CFAP54: variants seen among roughly 807,000 people sequenced by gnomAD.
CFAP54 encodes cilia and flagella associated protein 54.
Under a neutral mutation model 370.4 loss-of-function variants are expected in CFAP54, and 290 were observed. The ratio of observed to expected loss-of-function variants is 0.78; its 90% confidence interval spans 0.71 to 0.86. The LOEUF (loss-of-function observed/expected upper bound fraction) is 0.86, where lower values mean the gene tolerates loss of function less well. Ranked by LOEUF, CFAP54 falls within the 40% of genes least tolerant of loss-of-function variation. The pLI, the probability that CFAP54 is intolerant of heterozygous loss-of-function variation, is 0.00. For missense variants in CFAP54, 3,399 were observed against 3,528.7 expected (o/e 0.96, Z 0.93); for synonymous variants, 1,206 against 1,236.5 (o/e 0.98, Z 0.52).
At chr12:96,566,001 G>A (rs1196060384) in intron 19 of CFAP54, among the ~76,000 whole-genome samples, 3 of 152,152 alleles carry the variant, frequency 2.0e-5, no homozygotes, top group Admixed American at 1.3e-4. Context: ...TAAAAGGCTT[G>A]CCCCTTCACT....
intron 66 of CFAP54, among the ~76,000 whole-genome samples, chr12:96,856,220 C>A (rs1959700159): frequency 6.6e-6 from 1 of 152,160 alleles, no homozygotes; most frequent in South Asian, 2.1e-4. Flanking sequence ...CCTCCTAGAC[C>A]CTGGGCCTGC....
chr12:96,634,967 C>T (rs905938923), intron 32 of CFAP54, among the ~76,000 whole-genome samples: 1 of 152,176 alleles, frequency 6.6e-6, no homozygotes, highest in African/African-American at 2.4e-5. Context: ...ATACCACATT[C>T]CCTTTCTTGA....
chr12:96,829,471 A>C (rs982053134), intron 66 of CFAP54, among the ~76,000 whole-genome samples: 1 of 152,014 alleles, frequency 6.6e-6, no homozygotes, highest in Non-Finnish European at 1.5e-5. Context: ...TCGAATAATA[A>C]TTTTATGGAT....
chr12:96,594,238 CAT>C, intron 24 of CFAP54, 51 bp from the exon 25 acceptor site: 1 of 1,296,324 alleles, frequency 7.7e-7, no homozygotes, highest in Non-Finnish European at 1.0e-6. Flanking sequence ...CGTAGAGACA[CAT>C]ACGCTAAGCA....
rs1389152817 is a variant in CFAP54 at position 96,512,298 on chromosome 12, A to ATT, written c.740-685_740-684dup. Among the ~76,000 whole-genome samples the ATT allele has an allele frequency of 9.9e-4, 56 of 56,388 alleles. 1 individual carries two copies. In the Middle Eastern group the frequency reaches 0.023, roughly 23 times the overall value. The allele number at this position is 56,388 out of a possible 152,430, so 37.0% of individuals were successfully genotyped here. On this transcript the variant is annotated intron_variant, in intron 4 of 67. Coordinates refer to ENST00000524981, the MANE Select transcript of CFAP54 (RefSeq NM_001306084.2). ...AATGATAAGGAAACCATGGGAACCAATTTTATATATATATATATATATATA... is the reference window on the plus strand; with the variant it reads ...AATGATAAGGAAACCATGGGAACCAATTTTTTATATATATATATATATATATA...
At position 96,592,521 on chromosome 12, in the gene CFAP54, T is replaced by C; in HGVS notation, c.3244T>C (p.Ser1082Pro). Residue 1082 changes from serine to proline, a missense_variant, in exon 24 of 68, where the codon TCA (serine) becomes CCA (proline). By Grantham distance (74) the Ser-to-Pro change is moderately conservative (BLOSUM62 -1). Around this residue, in one of 3 missense-constraint regions of CFAP54, gnomAD observed 2,796 missense variants for 2,869.7 expected, o/e 0.97. Transcript: ENST00000524981. ...LHSDILAETS[S>P]ILLYLFLRNI... ...TTCAGATATTTTGGCAGAGACTTCT[T>C]CAATCCTCTTGTACCTTTTTCTTAG... 2.3e-6 allele frequency: 2 copies of C among 859,534 alleles called. No individual in the cohort carries two copies. The highest frequency in any genetic ancestry group is 1.7e-6 in the Non-Finnish European group (1 of 581,462). 53.2% of individuals were successfully genotyped at this position (859,534 alleles called of 1,614,324 possible).
At chr12:96,768,901 C>A (rs1246293502) in intron 60 of CFAP54, among the ~76,000 whole-genome samples, 1 of 152,058 alleles carries the variant, frequency 6.6e-6, no homozygotes, top group Non-Finnish European at 1.5e-5. Flanking sequence ...ATCAACAGAG[C>A]AATTGATGAC....
intron 47 of CFAP54, 41 bp from the exon 48 acceptor site, chr12:96,708,567 A>AT (rs1415189075): frequency 6.7e-7 from 1 of 1,501,974 alleles, no homozygotes; most frequent in African/African-American, 1.4e-5. Context: ...CTGAAAAAGT[A>AT]TTTTTCTAAT....
At chr12:96,562,734 A>T (rs1185553267) in intron 17 of CFAP54, among the ~76,000 whole-genome samples, 1 of 151,888 alleles carries the variant, frequency 6.6e-6, no homozygotes, top group African/African-American at 2.4e-5. Context: ...CCCTGCCTGT[A>T]TTCTGTTTAT....
At chr12:96,599,914 C>A (rs1471977715) in intron 26 of CFAP54, among the ~76,000 whole-genome samples, 1 of 152,118 alleles carries the variant, frequency 6.6e-6, no homozygotes, top group Non-Finnish European at 1.5e-5. Context: ...AGCCCTTTGT[C>A]AGATGGATAG....
At chr12:96,859,614 C>A (rs1959813785) in intron 66 of CFAP54, among the ~76,000 whole-genome samples, 1 of 152,008 alleles carries the variant, frequency 6.6e-6, no homozygotes, top group African/African-American at 2.4e-5. Flanking sequence ...ACTGTGTTGG[C>A]CAGGCTGGTC....
At chr12:96,708,974 G>A (rs1016729158) in intron 48 of CFAP54, among the ~76,000 whole-genome samples, 171 bp downstream of exon 48, 4 of 151,914 alleles carry the variant, frequency 2.6e-5, no homozygotes, top group East Asian at 1.9e-4. Flanking sequence ...ATACACATAC[G>A]TGTTTATATA....
In CFAP54 at chr12:96,489,806, A is replaced by G. The variant is rs1376881534; in HGVS notation, c.197A>G (p.Asp66Gly). 2 of 1,536,024 alleles carry G rather than the reference A, an allele frequency of 1.3e-6. No individual in the cohort carries two copies. Among genetic ancestry groups the G allele is most frequent in the South Asian group, 1.2e-5 (1 of 84,068 alleles). ...LPLAVFYGPL[D>G]AKNPLLASCE... ...CTAGCCGTGTTTTATGGGCCGCTGG[A>G]CGCGAAAAACCCGCTCCTGGCCTCT... Residue 66 changes from aspartate (D) to glycine (G), a missense_variant, in exon 1 of 68, where the codon GAC becomes GGC. Physicochemically the swap from Asp to Gly is moderately conservative, Grantham distance 94. Coordinates refer to ENST00000524981, the MANE Select transcript of CFAP54 (RefSeq NM_001306084.2).
At chr12:96,815,349 T>A (rs991290024) in intron 64 of CFAP54, among the ~76,000 whole-genome samples, 1 of 152,230 alleles carries the variant, frequency 6.6e-6, no homozygotes. Context: ...TGCCTAAATG[T>A]CTTTTTTTGA....
Position 96,663,870 on chromosome 12 carries a change from A to G in CFAP54, c.5501A>G (p.Asn1834Ser). The change falls in exon 39 of 68, where the codon AAT (asparagine) becomes AGT (serine). Residue 1834 changes from asparagine to serine, a missense_variant. Transcript: ENST00000524981. ...RNFIGKQLKI[N>S]SSTIEATSNC... Reference sequence around the variant, plus strand: ...TTCATTGGGAAGCAGCTTAAGATTAATTCTTCAACCATTGAAGCAACAAGC... The same window carrying G: ...TTCATTGGGAAGCAGCTTAAGATTAGTTCTTCAACCATTGAAGCAACAAGC... 6.2e-7 allele frequency: 1 copy of G among 1,613,418 alleles called. No homozygotes were observed. Among genetic ancestry groups the G allele is most frequent in the Non-Finnish European group, 8.5e-7 (1 of 1,179,658 alleles).
chr12:96,700,150 A>G, intron 46 of CFAP54, 57 bp downstream of exon 46: 1 of 1,505,892 alleles, frequency 6.6e-7, no homozygotes, highest in Non-Finnish European at 9.0e-7. Flanking sequence ...TACATTCCTA[A>G]AATGTAAGGA....
intron 65 of CFAP54, among the ~76,000 whole-genome samples, chr12:96,819,683 C>T (rs1959010408): frequency 6.6e-6 from 1 of 152,062 alleles, no homozygotes; most frequent in Admixed American, 6.5e-5. Context: ...AGTTATTTTC[C>T]TTTCTTTTGT....
At chr12:96,616,064 A>T (rs1162968231) in intron 26 of CFAP54, among the ~76,000 whole-genome samples, 1 of 151,806 alleles carries the variant, frequency 6.6e-6, no homozygotes, top group Non-Finnish European at 1.5e-5. Flanking sequence ...ACATGCACAC[A>T]TATGTTTATT....
intron 60 of CFAP54, chr12:96,765,420 C>G: frequency 2.5e-6 from 1 of 400,542 alleles, no homozygotes; most frequent in South Asian, 1.2e-4. Flanking sequence ...ACTCAGTCAG[C>G]TGCTGCATTT....
Sources: gnomAD v4.1 joint callset for allele counts (sites outside exome capture counted in the v4.1 genomes callset) on GRCh38, gnomAD v4.1.1 for gene constraint, gnomAD v4.1.1 regional missense constraint, MANE v1.5 for transcripts, NCBI Gene and HGNC (gene_info 2026-07-23, HGNC 2026-07-21) for gene names.